Variants in RIT2 observed in about 807,000 individuals in gnomAD.
RIT2 encodes GTP-binding protein Rit2.
RIT2 carries 24 observed loss-of-function variants against 23.7 expected under a neutral mutation model. The observed-to-expected ratio is 1.01, with a 90% CI of 0.73 to 1.43. RIT2 has a LOEUF of 1.43. RIT2 is among the 40% of genes most tolerant of loss of function. The pLI, the probability that RIT2 is intolerant of heterozygous loss-of-function variation, is 0.00. For synonymous variants in RIT2, 107 were observed against 91.1 expected, an observed-to-expected ratio of 1.17 and a Z score of -0.99; for missense variants, 236 against 266.9, an observed-to-expected ratio of 0.88 and a Z score of 0.81.
At chr18:43,096,603 T>A (rs1240110115) in intron 1 of RIT2, among the ~76,000 whole-genome samples, 12 of 151,914 alleles carry the variant, frequency 7.9e-5, no homozygotes, top group Non-Finnish European at 1.8e-4. Flanking sequence ...TTCTCTTTTA[T>A]CAGCCTACAA....
chr18:42,971,919 T>C lies in RIT2; in HGVS notation c.234+2155A>G, dbSNP rs1910370384. On this transcript the variant is annotated intron_variant, in intron 3 of 4. Coordinates refer to ENST00000326695, the MANE Select transcript of RIT2 (RefSeq NM_002930.4). ...ACATCAATAGAAAGGAGAAATATAT[T>C]GGCTATTCATCATTATATTGGCACC... Among the ~76,000 whole-genome samples the C allele has an allele frequency of 3.3e-5, 5 of 152,130 alleles. No homozygotes were observed. The South Asian group carries it at 1.0e-3, about 32-fold the overall frequency.
chr18:42,744,059 G>T (rs1183722612), intron 4 of RIT2, among the ~76,000 whole-genome samples: 1 of 152,038 alleles, frequency 6.6e-6, no homozygotes, highest in Non-Finnish European at 1.5e-5. Flanking sequence ...ACTTTTCCTG[G>T]CTCATCCTGG....
In RIT2 at chr18:42,917,192, T is replaced by C. The variant is rs1908932382; in HGVS notation, c.426+6380A>G. Among the ~76,000 whole-genome samples, 7 of 152,084 alleles carry C rather than the reference T, an allele frequency of 4.6e-5. No homozygotes were observed. The South Asian group carries it at 1.5e-3, about 32-fold the overall frequency. Reference sequence around the variant, plus strand: ...TGAACAACAGGTACAAATCAGTGTCTGTCACTGATTTGTCCAAGGACACAG... The same window carrying C: ...TGAACAACAGGTACAAATCAGTGTCCGTCACTGATTTGTCCAAGGACACAG... On this transcript the variant is annotated intron_variant, in intron 4 of 4. Transcript: ENST00000326695.
intron 3 of RIT2, among the ~76,000 whole-genome samples, chr18:42,966,308 C>A (rs1910223418): frequency 6.6e-6 from 1 of 152,040 alleles, no homozygotes; most frequent in African/African-American, 2.4e-5. Flanking sequence ...TTAATGGTGA[C>A]CAGTAAGCTA....
At chr18:43,006,117 A>G (rs1435224430) in intron 2 of RIT2, among the ~76,000 whole-genome samples, 1 of 151,774 alleles carries the variant, frequency 6.6e-6, no homozygotes, top group Non-Finnish European at 1.5e-5. Context: ...AAAGTAGGGG[A>G]AGAGAACGAA....
chr18:42,923,462 C>A, intron 4 of RIT2, 110 bp downstream of exon 4: 1 of 886,692 alleles, frequency 1.1e-6, no homozygotes, highest in South Asian at 1.6e-5. Flanking sequence ...AAATCATGTG[C>A]ATAATTTCTT....
intron 4 of RIT2, among the ~76,000 whole-genome samples, chr18:42,793,533 G>A (rs561850898): frequency 6.6e-6 from 1 of 152,124 alleles, no homozygotes. Flanking sequence ...AATAAATCTG[G>A]GGGACTTCAA....
intron 4 of RIT2, among the ~76,000 whole-genome samples, chr18:42,875,693 T>C (rs958554481): frequency 6.6e-6 from 1 of 152,066 alleles, no homozygotes; most frequent in Admixed American, 6.6e-5. Flanking sequence ...TCAGAAAAAA[T>C]GGAAAATATA....
intron 4 of RIT2, among the ~76,000 whole-genome samples, chr18:42,880,487 T>C (rs1359014575): frequency 6.6e-6 from 1 of 152,232 alleles, no homozygotes; most frequent in East Asian, 1.9e-4. Flanking sequence ...ACTTTTGTTT[T>C]GTTTTGTTTT....
intron 4 of RIT2, among the ~76,000 whole-genome samples, chr18:42,904,226 C>A (rs191041825): frequency 8.6e-5 from 13 of 151,988 alleles, no homozygotes; most frequent in Non-Finnish European, 1.6e-4. Context: ...ATTAGATAAG[C>A]CTTAATTGTC....
chr18:43,058,476 T>C (rs1912561825), intron 1 of RIT2, among the ~76,000 whole-genome samples: 1 of 152,168 alleles, frequency 6.6e-6, no homozygotes, highest in Admixed American at 6.5e-5. Context: ...GATGCACTTC[T>C]GTACTACACT....
At chr18:42,745,157 C>T (rs1235654601) in intron 4 of RIT2, among the ~76,000 whole-genome samples, 2 of 152,062 alleles carry the variant, frequency 1.3e-5, no homozygotes, top group Non-Finnish European at 2.9e-5. Flanking sequence ...ACTAACATTC[C>T]TACTCAAAAT....
intron 3 of RIT2, among the ~76,000 whole-genome samples, chr18:42,943,084 G>A (rs1317568342): frequency 6.6e-6 from 1 of 152,070 alleles, no homozygotes; most frequent in African/African-American, 2.4e-5. Flanking sequence ...AAAGAACAAA[G>A]CTCCTACAGG....
intron 2 of RIT2, among the ~76,000 whole-genome samples, chr18:43,018,423 C>A: frequency 6.6e-6 from 1 of 151,624 alleles, no homozygotes. Context: ...AAGAATTTAA[C>A]TATACATAGA....
At chr18:42,923,524 C>A in intron 4 of RIT2, 48 bp downstream of exon 4, 2 of 1,495,596 alleles carry the variant, frequency 1.3e-6, no homozygotes, top group South Asian at 1.2e-5. Context: ...TTGTACTATG[C>A]ATCCTCAGAG....
chr18:42,944,015 C>T lies in RIT2; in HGVS notation c.235-20252G>A, dbSNP rs1427050517. Among the ~76,000 whole-genome samples, 4 of 152,116 alleles carry T rather than the reference C, an allele frequency of 2.6e-5. No individual in the cohort carries two copies. In the East Asian group the frequency reaches 7.7e-4, roughly 29 times the overall value. On this transcript the variant is annotated intron_variant, in intron 3 of 4. Coordinates refer to ENST00000326695, the MANE Select transcript of RIT2 (RefSeq NM_002930.4). ...ATAGACTCCTAGCTGCTTTTCCTGC[C>T]CCTCCAGGGTCTGTTATCAACACAA...
chr18:42,778,706 G>A (rs2143928152), intron 4 of RIT2, among the ~76,000 whole-genome samples: 1 of 152,164 alleles, frequency 6.6e-6, no homozygotes, highest in East Asian at 1.9e-4. Context: ...AGTCCTAGCT[G>A]CTAAAAATTC....
chr18:42,832,080 G>A (rs1906474114), intron 4 of RIT2, among the ~76,000 whole-genome samples: 1 of 152,138 alleles, frequency 6.6e-6, no homozygotes, highest in African/African-American at 2.4e-5. Flanking sequence ...ACATTCACAG[G>A]AGAAAGCTTC....
At chr18:42,772,267 T>C (rs567863661) in intron 4 of RIT2, among the ~76,000 whole-genome samples, 1 of 152,138 alleles carries the variant, frequency 6.6e-6, no homozygotes, top group Non-Finnish European at 1.5e-5. Context: ...TTTGGATGCA[T>C]ACAATATCTG....
Sources: allele counts gnomAD v4.1 joint callset (sites outside exome capture counted in the v4.1 genomes callset), GRCh38; gene constraint gnomAD v4.1.1; transcripts MANE v1.5; gene names NCBI Gene and HGNC (gene_info 2026-07-23, HGNC 2026-07-21).